The following CHODL variants were observed in gnomAD, a reference collection of about 807,000 sequenced individuals.
CHODL encodes the protein chondrolectin, also known as transmembrane protein MT75.
In CHODL, 29 loss-of-function variants were observed where a neutral mutation model predicts 34.5. That is an observed-to-expected ratio of 0.84 (90% CI 0.63 to 1.15). CHODL has a LOEUF of 1.15. Among genes scored for constraint, CHODL ranks in the 50% most tolerant of loss-of-function variants. CHODL has a pLI of 0.00. For synonymous variants in CHODL, 125 were observed against 116.1 expected, an observed-to-expected ratio of 1.08 and a Z score of -0.49; for missense variants, 332 against 332.5, an observed-to-expected ratio of 1.00 and a Z score of 0.01.
intron 2 of CHODL, among the ~76,000 whole-genome samples, chr21:18,163,913 TA>T (rs1276365226): frequency 1.3e-5 from 2 of 152,168 alleles, no homozygotes; most frequent in Non-Finnish European, 2.9e-5. Context: ...GATTAATGCT[TA>T]AAAAAAGAAC....
chr21:18,043,163 G>A (rs1434289077), intron 2 of CHODL, among the ~76,000 whole-genome samples: 1 of 151,898 alleles, frequency 6.6e-6, no homozygotes, highest in Non-Finnish European at 1.5e-5. Context: ...CTACTATAGG[G>A]GTGTATTGGC....
intron 2 of CHODL, among the ~76,000 whole-genome samples, chr21:18,192,655 G>A (rs927555737): frequency 1.3e-5 from 2 of 151,970 alleles, no homozygotes; most frequent in African/African-American, 4.8e-5. Flanking sequence ...AGAGACATTA[G>A]GCTATATTTT....
At chr21:18,229,398 T>C (rs1238735807) in intron 2 of CHODL, among the ~76,000 whole-genome samples, 1 of 152,130 alleles carries the variant, frequency 6.6e-6, no homozygotes, top group African/African-American at 2.4e-5. Context: ...GCATTAGGTG[T>C]GTTCGATATA....
Position 18,081,183 on chromosome 21 carries a change from T to G in CHODL, c.-45+53212T>G, listed in dbSNP as rs1365311692. 2.0e-5 allele frequency among the ~76,000 whole-genome samples: 3 copies of G among 152,214 alleles called. No individual in the cohort carries two copies. The East Asian group carries it at 5.8e-4, about 29-fold the overall frequency. ...ATGCCACTGATTTCTGTACATAGTT[T>G]CATGTCCTGAAACTACTCAATTCAT... On this transcript the variant is annotated intron_variant, in intron 2 of 6. Coordinates refer to the CHODL transcript ENST00000400127.
chr21:18,192,522 G>C (rs1274506731), intron 2 of CHODL, among the ~76,000 whole-genome samples: 2 of 152,116 alleles, frequency 1.3e-5, no homozygotes, highest in African/African-American at 4.8e-5. Flanking sequence ...CACAATACTT[G>C]TTACGGTTAT....
intron 2 of CHODL, among the ~76,000 whole-genome samples, chr21:18,228,707 T>A (rs948481577): frequency 6.6e-6 from 1 of 152,174 alleles, no homozygotes; most frequent in Non-Finnish European, 1.5e-5. Context: ...TTAGATTGAT[T>A]GATTTATCAA....
intron 2 of CHODL, among the ~76,000 whole-genome samples, chr21:18,216,831 C>T (rs2146731941): frequency 6.6e-6 from 1 of 152,204 alleles, no homozygotes; most frequent in East Asian, 1.9e-4. Flanking sequence ...ACAACCAGAT[C>T]TCGTGAGAAC....
At chr21:18,192,463 T>G (rs2073521916) in intron 2 of CHODL, among the ~76,000 whole-genome samples, 1 of 152,282 alleles carries the variant, frequency 6.6e-6, no homozygotes, top group East Asian at 1.9e-4. Flanking sequence ...TGCAGCAAAA[T>G]AAACATAAGT....
chr21:18,072,211 T>TA (rs79929086), intron 2 of CHODL, among the ~76,000 whole-genome samples: 57,212 of 151,710 alleles, frequency 0.38, 12,428 homozygotes, highest in East Asian at 0.95. Context: ...ATAGTAATCA[T>TA]AAAAATATAT....
chr21:18,161,959 G>A lies in CHODL; in HGVS notation c.-44-94550G>A, dbSNP rs560564853. 7.2e-4 allele frequency among the ~76,000 whole-genome samples: 109 copies of A among 152,128 alleles called. 1 individual carries two copies. Among genetic ancestry groups the A allele is most frequent in the Non-Finnish European group, 1.2e-3 (85 of 68,018 alleles). On this transcript the variant is annotated intron_variant, in intron 2 of 6. Coordinates refer to the CHODL transcript ENST00000400127. Reference sequence around the variant, plus strand: ...GAATCCTAAGTGTACAGCTGGTTGAGCTTTCACAAAATGACATACACATGT... The same window carrying A: ...GAATCCTAAGTGTACAGCTGGTTGAACTTTCACAAAATGACATACACATGT...
chr21:18,244,208 A>T (rs1248562021), upstream of CHODL, among the ~76,000 whole-genome samples: 1 of 152,202 alleles, frequency 6.6e-6, no homozygotes, highest in African/African-American at 2.4e-5. Context: ...AATTCCCAAG[A>T]ATTCAGAATG....
chr21:18,256,290 G>C (rs1475724742), intron 1 of CHODL, among the ~76,000 whole-genome samples: 1 of 152,028 alleles, frequency 6.6e-6, no homozygotes, highest in Non-Finnish European at 1.5e-5. Context: ...TTGAAGTACT[G>C]GGTTTAAAAG....
intron 2 of CHODL, among the ~76,000 whole-genome samples, chr21:18,123,817 A>G (rs2065509448): frequency 1.3e-5 from 2 of 152,100 alleles, no homozygotes; most frequent in African/African-American, 4.8e-5. Context: ...GCCCCAGCCC[A>G]TGGAATTATT....
chr21:18,243,528 G>T (rs1468883865), upstream of CHODL, among the ~76,000 whole-genome samples: 1 of 151,330 alleles, frequency 6.6e-6, no homozygotes, highest in Non-Finnish European at 1.5e-5. Context: ...AGACATTATT[G>T]TAGTTATTTT....
At chr21:18,134,325 TA>T (rs2054025833) in intron 2 of CHODL, 1 of 517,572 alleles carries the variant, frequency 1.9e-6, no homozygotes, top group Non-Finnish European at 3.9e-6. Flanking sequence ...ATGCTATTGA[TA>T]AACAGTGGTG....
Position 18,143,713 on chromosome 21 carries a change from ATTAATG to A in CHODL, c.-44-112795_-44-112790del, listed in dbSNP as rs1568908269. Among the ~76,000 whole-genome samples, 16 of 152,212 alleles carry A rather than the reference ATTAATG, an allele frequency of 1.1e-4. No homozygotes were observed. The East Asian group carries it at 2.9e-3, about 27-fold the overall frequency. On this transcript the variant is annotated intron_variant, in intron 2 of 6. Coordinates refer to the CHODL transcript ENST00000400127. Reference sequence around the variant, plus strand: ...TCACTTAGCATAGTGTCCAGAACATATTAATGCTAGGTGATAGTTGGCCATTATTAT... The same window carrying A: ...TCACTTAGCATAGTGTCCAGAACATACTAGGTGATAGTTGGCCATTATTAT...
chr21:18,249,712 C>T (rs2074212333), intron 1 of CHODL, among the ~76,000 whole-genome samples: 1 of 151,422 alleles, frequency 6.6e-6, no homozygotes, highest in Non-Finnish European at 1.5e-5. Context: ...AGTGTAGAGC[C>T]AGATGGCCTG....
At chr21:18,064,069 G>C (rs1408943252) in intron 2 of CHODL, among the ~76,000 whole-genome samples, 1 of 151,924 alleles carries the variant, frequency 6.6e-6, no homozygotes, top group African/African-American at 2.4e-5. Context: ...TCCTTTATTC[G>C]CCTCCTCACT....
At chr21:18,022,079 C>T (rs981869659) in intron 1 of CHODL, among the ~76,000 whole-genome samples, 2 of 152,176 alleles carry the variant, frequency 1.3e-5, no homozygotes, top group Admixed American at 1.3e-4. Context: ...CTCTCAGGAT[C>T]ACTGTATTAT....
Sources: allele counts gnomAD v4.1 joint callset (sites outside exome capture counted in the v4.1 genomes callset), GRCh38; gene constraint gnomAD v4.1.1; transcripts MANE v1.5; gene names NCBI Gene and HGNC (gene_info 2026-07-23, HGNC 2026-07-21).